The following CUBN variants were observed in gnomAD, a reference collection of about 807,000 sequenced individuals.
The protein encoded by CUBN is cubilin, also known as 460 kDa receptor.
Under a neutral mutation model 405.3 loss-of-function variants are expected in CUBN, and 282 were observed. The ratio of observed to expected loss-of-function variants is 0.70; its 90% CI spans 0.63 to 0.77. The LOEUF is 0.77. Ranked by LOEUF, CUBN falls within the 30% of genes least tolerant of loss-of-function variation. CUBN has a pLI of 0.00. For synonymous variants in CUBN, 1,684 were observed against 1,617.0 expected, an observed-to-expected ratio of 1.04 and a Z score of -0.99; for missense variants, 4,514 against 4,475.2, an observed-to-expected ratio of 1.01 and a Z score of -0.25.
At chr10:17,001,833 A>G (rs989203662) in intron 28 of CUBN, among the ~76,000 whole-genome samples, 1 of 152,208 alleles carries the variant, frequency 6.6e-6, no homozygotes, top group East Asian at 1.9e-4. Flanking sequence ...ATTTTGGTAC[A>G]CAGGGTCAAA....
At chr10:16,945,448 C>A (rs1332975245) in intron 36 of CUBN, among the ~76,000 whole-genome samples, 1 of 152,060 alleles carries the variant, frequency 6.6e-6, no homozygotes, top group Non-Finnish European at 1.5e-5. Flanking sequence ...TCTTCCCATC[C>A]AGAACGCTGT....
intron 28 of CUBN, among the ~76,000 whole-genome samples, chr10:17,011,869 G>C (rs1190023745): frequency 6.6e-6 from 1 of 152,062 alleles, no homozygotes; most frequent in Non-Finnish European, 1.5e-5. Context: ...CAAACCTTTA[G>C]CTAGACAGAA....
chr10:16,949,379 T>A (rs1440071804), intron 34 of CUBN, among the ~76,000 whole-genome samples: 1 of 151,778 alleles, frequency 6.6e-6, no homozygotes, highest in East Asian at 1.9e-4. Context: ...GGATGAGAAG[T>A]TTTTACAACA....
intron 43 of CUBN, among the ~76,000 whole-genome samples, chr10:16,921,194 T>A (rs1332541742): frequency 6.6e-6 from 1 of 152,222 alleles, no homozygotes; most frequent in African/African-American, 2.4e-5. Context: ...ACTTTCCCCA[T>A]TTCCTCTTGA....
chr10:17,071,653 T>C lies in CUBN; in HGVS notation c.2447-49A>G, dbSNP rs1232930610. 3 of 1,576,880 alleles carry C rather than the reference T, an allele frequency of 1.9e-6. No homozygotes were observed. The East Asian group carries it at 6.7e-5, about 35-fold the overall frequency. ...GTGCTTGTCCAGATATTAATAATTT[T>C]ATCTCAATTTTATTGCAAAATCTAA... On this transcript the variant is annotated intron_variant, in intron 18 of 66. Coordinates refer to ENST00000377833, the MANE Select transcript of CUBN (RefSeq NM_001081.4).
intron 28 of CUBN, among the ~76,000 whole-genome samples, chr10:16,998,079 G>A (rs1320288229): frequency 6.6e-6 from 1 of 152,140 alleles, no homozygotes; most frequent in Non-Finnish European, 1.5e-5. Flanking sequence ...AAAGAAGGAA[G>A]AAAGAAGAGA....
At chr10:16,884,080 C>G (rs376236919) in intron 56 of CUBN, among the ~76,000 whole-genome samples, 1 of 152,122 alleles carries the variant, frequency 6.6e-6, no homozygotes, top group Non-Finnish European at 1.5e-5. Flanking sequence ...CCCGGGTTCA[C>G]GCCATTCTCC....
At chr10:16,825,326 G>A (rs749605039) in intron 66 of CUBN, among the ~76,000 whole-genome samples, 2 of 151,988 alleles carry the variant, frequency 1.3e-5, no homozygotes, top group Admixed American at 6.6e-5. Flanking sequence ...GGTTTCTTTG[G>A]GGGGTAATGA....
intron 60 of CUBN, among the ~76,000 whole-genome samples, chr10:16,841,877 C>T (rs1312345076): frequency 5.8e-5 from 8 of 137,624 alleles, no homozygotes; most frequent in African/African-American, 1.6e-4. Flanking sequence ...GGTGCCACTA[C>T]ACTCCAGCCT....
At chr10:17,046,815 G>C (rs144448456) in intron 23 of CUBN, among the ~76,000 whole-genome samples, 13 of 152,198 alleles carry the variant, frequency 8.5e-5, no homozygotes, top group African/African-American at 3.1e-4. Context: ...ATGCCCACCA[G>C]AATGATTAGC....
rs189769252 is a variant in CUBN at position 17,068,397 on chromosome 10, C to T, written c.2792-117G>A. 16,404 of 1,114,636 alleles carry T rather than the reference C, an allele frequency of 0.015. 159 individuals are homozygous for T. Among genetic ancestry groups the T allele is most frequent in the Non-Finnish European group, 0.019 (14,089 of 757,280 alleles). 69.0% of individuals were successfully genotyped at this position (1,114,636 alleles called of 1,614,324 possible). On this transcript the variant is annotated intron_variant, in intron 20 of 66. Coordinates refer to ENST00000377833, the MANE Select transcript of CUBN (RefSeq NM_001081.4). The stretch of plus-strand genomic sequence containing the variant: ...TAAAAGGAAAAATGTTTCTTAGTTG[C>T]CACTTAAGATAACCTGATTTTTCTC...
At chr10:17,089,307 C>T (rs140678280) in intron 14 of CUBN, among the ~76,000 whole-genome samples, 26 of 152,206 alleles carry the variant, frequency 1.7e-4, no homozygotes, top group African/African-American at 5.8e-4. Context: ...CAATGTAATA[C>T]TTTAAAAGTT....
At chr10:17,097,111 T>C (rs1836392902) in intron 14 of CUBN, among the ~76,000 whole-genome samples, 1 of 151,694 alleles carries the variant, frequency 6.6e-6, no homozygotes, top group African/African-American at 2.4e-5. Flanking sequence ...ATGAGGAAAA[T>C]CAATGAAATA....
rs780190067 is a variant in CUBN, at chr10:16,835,008, T to C, written c.10362+6A>G. ...TTCATTCAAACGATATTCAAATGCA[T>C]ATCACCTCCAAGAAATCGTTTCTGC... On this transcript the variant is annotated splice_donor_region_variant and intron_variant, in intron 64 of 66. Transcript: ENST00000377833. The C allele has an allele frequency of 1.2e-6, 2 of 1,612,198 alleles. No individual in the cohort carries two copies.
chr10:17,081,158 G>A (rs1835957603), intron 17 of CUBN, among the ~76,000 whole-genome samples: 1 of 152,130 alleles, frequency 6.6e-6, no homozygotes, highest in African/African-American at 2.4e-5. Context: ...CTGAGCAAAA[G>A]TAAGTCTTTC....
At chr10:16,962,776 C>T (rs747090690) in intron 31 of CUBN, among the ~76,000 whole-genome samples, 42 of 152,186 alleles carry the variant, frequency 2.8e-4, no homozygotes, top group Non-Finnish European at 4.9e-4. Flanking sequence ...AGCCAACAGC[C>T]TGCAAGGAAC....
rs76555786 is a variant in CUBN, at chr10:16,933,162, C to A, written c.6049G>T (p.Val2017Leu). 9.3e-6 allele frequency: 15 copies of A among 1,613,884 alleles called. No homozygotes were observed. The East Asian group carries it at 2.9e-4, about 31-fold the overall frequency. Residue 2017 changes from valine to leucine, a missense_variant, in exon 40 of 67, where the codon GTG becomes TTG. Coordinates refer to ENST00000377833, the MANE Select transcript of CUBN (RefSeq NM_001081.4). ...TCCAGGGAAAGAATGTTGAGTTCCA[C>A]GGTAGAGTCGGGAGCCTGGATGAGC... ...TWLIQAPDSTVELNILSLDIE... is the reference protein window; with the variant it reads ...TWLIQAPDSTLELNILSLDIE...
Position 16,940,169 on chromosome 10 carries a change from G to A in CUBN, c.5411C>T (p.Thr1804Met), listed in dbSNP as rs142061158. 38 of 1,614,064 alleles carry A rather than the reference G, an allele frequency of 2.4e-5. No individual in the cohort carries two copies. Among genetic ancestry groups the A allele is most frequent in the African/African-American group, 2.7e-5 (2 of 75,032 alleles). Residue 1804 changes from threonine to methionine, a missense_variant, in exon 37 of 67, where the codon ACG becomes ATG. By Grantham distance (81) the Thr-to-Met change is moderately conservative. Around this residue, in one of 5 missense-constraint regions of CUBN, gnomAD observed 1,613 missense variants for 1,542.8 expected, o/e 1.05. Transcript: ENST00000377833. The part of the protein sequence containing the change: ...DFVEIREGNA[T>M]GHLVGRYCGN... ...ACAGTATCGTCCCACCAAGTGACCC[G>A]TGGCATTTCCTTCACGGATCTCCAC...
At chr10:16,978,790 G>C (rs189739930) in intron 31 of CUBN, among the ~76,000 whole-genome samples, 1 of 152,224 alleles carries the variant, frequency 6.6e-6, no homozygotes. Context: ...AACAAGACAA[G>C]GGTGCCCTCT....
Sources: allele counts gnomAD v4.1 joint callset (sites outside exome capture counted in the v4.1 genomes callset), GRCh38; gene constraint gnomAD v4.1.1; regional missense constraint gnomAD v4.1.1; transcripts MANE v1.5; gene names NCBI Gene and HGNC (gene_info 2026-07-23, HGNC 2026-07-21).